Variants in SHANK2 observed in about 807,000 individuals in gnomAD.
The protein encoded by SHANK2 is SH3 and multiple ankyrin repeat domains protein 2.
Under a neutral mutation model 133.7 loss-of-function variants are expected in SHANK2, and 43 were observed. The ratio of observed to expected loss-of-function variants is 0.32; its 90% CI spans 0.25 to 0.41. The LOEUF is 0.41. Ranked by LOEUF, SHANK2 falls within the 10% of genes least tolerant of loss-of-function variation. The pLI is 1.00. For missense variants in SHANK2, 1,994 were observed against 2,235.8 expected, an observed-to-expected ratio of 0.89 and a Z score of 2.18; for synonymous variants, 1,017 against 952.8, an observed-to-expected ratio of 1.07 and a Z score of -1.24.
chr11:70,668,670 G>A (rs1319335291), intron 15 of SHANK2: 1 of 152,434 alleles, frequency 6.6e-6, no homozygotes, highest in Non-Finnish European at 1.5e-5. Flanking sequence ...GTGGTTCTGT[G>A]AGAACCATAC....
chr11:70,889,867 G>A (rs782037839), intron 11 of SHANK2, among the ~76,000 whole-genome samples: 38 of 152,176 alleles, frequency 2.5e-4, no homozygotes, highest in Non-Finnish European at 4.7e-4. Flanking sequence ...ATGGAGGATG[G>A]AGAGAGAGCA....
rs190343099 is a variant in SHANK2, at chr11:70,810,547, A to G, written c.1494-3376T>C. Among the ~76,000 whole-genome samples the G allele has an allele frequency of 3.3e-5, 5 of 152,324 alleles. No homozygotes were observed. The East Asian group carries it at 9.6e-4, about 29-fold the overall frequency. On this transcript the variant is annotated intron_variant, in intron 12 of 25. Coordinates refer to ENST00000601538, the MANE Select transcript of SHANK2 (RefSeq NM_012309.5). ...TGAACTTCCCTTAATGCACCTGCCC[A>G]CATCTGCCCCGAGTGATGAAGCCAG... is the stretch of plus-strand genomic sequence containing the variant.
intron 15 of SHANK2, chr11:70,662,058 G>A: frequency 2.0e-6 from 1 of 497,734 alleles, no homozygotes; most frequent in Non-Finnish European, 3.7e-6. Context: ...CGGCAGCGGC[G>A]GCCTCAGCAG....
chr11:71,106,219 A>G (rs1328498993), intron 6 of SHANK2, among the ~76,000 whole-genome samples: 1 of 152,250 alleles, frequency 6.6e-6, no homozygotes, highest in East Asian at 1.9e-4. Flanking sequence ...AATATCAGCT[A>G]CTACAAGAAG....
At chr11:71,209,025 A>T (rs550602514) in intron 2 of SHANK2, among the ~76,000 whole-genome samples, 11 of 152,128 alleles carry the variant, frequency 7.2e-5, no homozygotes, top group African/African-American at 2.7e-4. Context: ...CTCGGCCCCA[A>T]TGTCAGGGGA....
intron 17 of SHANK2, among the ~76,000 whole-genome samples, chr11:70,612,213 C>T (rs554136409): frequency 2.6e-5 from 4 of 152,074 alleles, no homozygotes; most frequent in Admixed American, 6.6e-5. Context: ...GTTTTGAAGG[C>T]GTCCTGCTGC....
At chr11:70,707,998 C>T (rs1187677955) in intron 14 of SHANK2, among the ~76,000 whole-genome samples, 4 of 152,144 alleles carry the variant, frequency 2.6e-5, no homozygotes, top group East Asian at 1.9e-4. Context: ...CGGTGTGCAC[C>T]GAGGACATCA....
chr11:71,194,113 C>T (rs1953849974), intron 2 of SHANK2, among the ~76,000 whole-genome samples: 1 of 152,204 alleles, frequency 6.6e-6, no homozygotes, highest in Non-Finnish European at 1.5e-5. Flanking sequence ...CCAAGCCTTA[C>T]TGACACCAAA....
intron 6 of SHANK2, among the ~76,000 whole-genome samples, chr11:71,109,031 A>T (rs928215279): frequency 6.6e-6 from 1 of 152,084 alleles, no homozygotes; most frequent in Non-Finnish European, 1.5e-5. Context: ...TGTATTTTAT[A>T]TTTTTGAGGT....
chr11:70,766,357 C>T (rs1241702152), intron 14 of SHANK2, among the ~76,000 whole-genome samples: 1 of 152,140 alleles, frequency 6.6e-6, no homozygotes, highest in African/African-American at 2.4e-5. Context: ...AAGCCATGTT[C>T]TTTAGTTGTT....
chr11:70,472,761 A>G lies in SHANK2; in HGVS notation c.*108T>C. The G allele has an allele frequency of 1.8e-6, 2 of 1,113,954 alleles. No individual in the cohort carries two copies. The highest frequency in any genetic ancestry group is 1.5e-5 in the African/African-American group (1 of 65,316). 69.0% of individuals were successfully genotyped at this position (1,113,954 alleles called of 1,614,324 possible). On this transcript the variant is annotated 3_prime_UTR_variant, in exon 26 of 26. Coordinates refer to ENST00000601538, the MANE Select transcript of SHANK2 (RefSeq NM_012309.5). This position sits in a 1 kb window ranked among gnomAD's most constrained non-coding sequence, Gnocchi z 4.4. Reference sequence around the variant, plus strand: ...TCTTTGGGTACCAGGAGACAAACCCATGGAGTGGGGTTGATGCTCACAGAC... The same window carrying G: ...TCTTTGGGTACCAGGAGACAAACCCGTGGAGTGGGGTTGATGCTCACAGAC...
chr11:71,176,296 G>C lies in SHANK2; in HGVS notation c.-12-28958C>G, dbSNP rs567114907. Among the ~76,000 whole-genome samples the C allele has an allele frequency of 4.1e-4, 63 of 152,082 alleles. 1 individual carries two copies. The highest frequency in any genetic ancestry group is 7.1e-4 in the Non-Finnish European group (48 of 68,012). ...TATGTACAGAAATCCAAAACACACA[G>C]GTCCAACAAGATTAAATTCATATTT... On this transcript the variant is annotated intron_variant, in intron 2 of 25. Transcript: ENST00000601538.
chr11:70,553,493 C>A (rs1591572246), intron 17 of SHANK2, among the ~76,000 whole-genome samples: 1 of 152,198 alleles, frequency 6.6e-6, no homozygotes, highest in Non-Finnish European at 1.5e-5. Context: ...AGGGACACAA[C>A]TCAGCTGTGA....
intron 9 of SHANK2, among the ~76,000 whole-genome samples, chr11:71,065,937 G>A (rs1426443722): frequency 8.9e-6 from 1 of 112,112 alleles, no homozygotes; most frequent in Non-Finnish European, 1.9e-5. Context: ...GTTGGTGGGG[G>A]CGGGGTACAG....
At chr11:71,223,125 C>T (rs116587770) in intron 2 of SHANK2, among the ~76,000 whole-genome samples, 2,650 of 152,270 alleles carry the variant, frequency 0.017, 97 homozygotes, top group African/African-American at 0.061. Context: ...GGAGAGAGTC[C>T]GACTGCATTT....
chr11:71,228,270 T>A (rs1391470441), intron 1 of SHANK2, among the ~76,000 whole-genome samples: 1 of 152,204 alleles, frequency 6.6e-6, no homozygotes, highest in African/African-American at 2.4e-5. Flanking sequence ...ATTTTTAAAC[T>A]CCAGTTTTTT....
intron 17 of SHANK2, among the ~76,000 whole-genome samples, chr11:70,555,178 G>C (rs782642104): frequency 7.9e-5 from 12 of 152,092 alleles, no homozygotes; most frequent in Non-Finnish European, 1.5e-4. Context: ...TCCACCGACT[G>C]TCCACTCCTC....
intron 11 of SHANK2, chr11:70,864,355 G>A (rs570081438): frequency 7.6e-5 from 12 of 158,704 alleles, no homozygotes; most frequent in African/African-American, 2.6e-4. Context: ...GAAAAATCCA[G>A]CTTCGGACAG....
chr11:70,793,897 A>G (rs1485483918), intron 14 of SHANK2, among the ~76,000 whole-genome samples: 1 of 152,228 alleles, frequency 6.6e-6, no homozygotes, highest in Non-Finnish European at 1.5e-5. Flanking sequence ...ATATTAGCCA[A>G]AACTGAGAAG....
Sources: allele counts gnomAD v4.1 joint callset (sites outside exome capture counted in the v4.1 genomes callset), GRCh38; gene constraint gnomAD v4.1.1; non-coding constraint Gnocchi (gnomAD v3.1); transcripts MANE v1.5; gene names NCBI Gene and HGNC (gene_info 2026-07-23, HGNC 2026-07-21).